The following SLIT3 variants were observed in gnomAD, a reference collection of about 807,000 sequenced individuals.
SLIT3 encodes slit guidance ligand 3.
A neutral mutation model predicts 184.0 loss-of-function variants in SLIT3; 68 were observed. That is an observed-to-expected ratio of 0.37 (90% CI 0.30 to 0.45). The LOEUF is 0.45. Ranked by LOEUF, SLIT3 falls within the 20% of genes least tolerant of loss-of-function variation. The pLI is 1.00. For synonymous variants in SLIT3, 831 were observed against 828.6 expected (o/e 1.00, Z -0.05); for missense variants, 1,707 against 2,026.0 (o/e 0.84, Z 3.02).
At chr5:168,860,103 T>C (rs1408393083) in intron 5 of SLIT3, among the ~76,000 whole-genome samples, 3 of 152,160 alleles carry the variant, frequency 2.0e-5, no homozygotes, top group African/African-American at 7.2e-5. Flanking sequence ...TGGTTGCAGC[T>C]ATAGAGTTGT....
At chr5:168,744,462 T>C (rs1336575237) in intron 20 of SLIT3, among the ~76,000 whole-genome samples, 1 of 152,174 alleles carries the variant, frequency 6.6e-6, no homozygotes, top group East Asian at 1.9e-4. Context: ...AATAGCCTTT[T>C]ATTAAAAGAA....
rs1299107433 is a variant in SLIT3 at position 169,081,101 on chromosome 5, A to G, written c.413+112378T>C. 2.0e-5 allele frequency among the ~76,000 whole-genome samples: 3 copies of G among 152,258 alleles called. No individual in the cohort carries two copies. In the East Asian group the frequency reaches 5.8e-4, roughly 29 times the overall value. On this transcript the variant is annotated intron_variant, in intron 4 of 35. Transcript: ENST00000519560. ...GCCTGGGGGAACAGGGAAGGACAGGAGCCAACTCTGCACAATCACGAAAGG... is the reference window on the plus strand; with the variant it reads ...GCCTGGGGGAACAGGGAAGGACAGGGGCCAACTCTGCACAATCACGAAAGG...
At chr5:169,256,372 T>A (rs1765959742) in intron 1 of SLIT3, among the ~76,000 whole-genome samples, 1 of 152,220 alleles carries the variant, frequency 6.6e-6, no homozygotes, top group South Asian at 2.1e-4. Flanking sequence ...CCTATAGTAT[T>A]CAGTGGAGTA....
chr5:168,869,409 G>C (rs1284471084), intron 5 of SLIT3, among the ~76,000 whole-genome samples: 2 of 152,146 alleles, frequency 1.3e-5, no homozygotes, highest in Non-Finnish European at 1.5e-5. Context: ...GTAATCACTA[G>C]GTTGTCACAA....
At chr5:168,738,867 G>A (rs1219967275) in intron 20 of SLIT3, among the ~76,000 whole-genome samples, 1 of 150,992 alleles carries the variant, frequency 6.6e-6, no homozygotes, top group Non-Finnish European at 1.5e-5. Flanking sequence ...GAACCCAGGA[G>A]GCGGGGCTTG....
Position 168,666,330 on chromosome 5 carries a change from C to G in SLIT3, c.*124G>C. The G allele has an allele frequency of 2.2e-6, 2 of 892,978 alleles. No homozygotes were observed. Among genetic ancestry groups the G allele is most frequent in the Non-Finnish European group, 3.2e-6 (2 of 628,404 alleles). 55.3% of individuals were successfully genotyped at this position (892,978 alleles called of 1,614,324 possible). A position where few individuals can be genotyped will look rare whatever the true frequency, so the allele number is the denominator to read the frequency against. ...TTTATTTTACAATATACTTAATATT[C>G]TCTTCTTCTTTACCTTCCTCTCCAG... On this transcript the variant is annotated 3_prime_UTR_variant, in exon 36 of 36. Transcript: ENST00000519560.
At chr5:168,712,004 GAAAT>G (rs1347780455) in intron 24 of SLIT3, among the ~76,000 whole-genome samples, 1 of 152,154 alleles carries the variant, frequency 6.6e-6, no homozygotes, top group Admixed American at 6.5e-5. Flanking sequence ...ACAGTTGTAA[GAAAT>G]AAATAGAAAA....
At chr5:168,692,354 TTCTC>T (rs961459981) in intron 29 of SLIT3, among the ~76,000 whole-genome samples, 15 of 152,060 alleles carry the variant, frequency 9.9e-5, no homozygotes, top group African/African-American at 2.9e-4. Flanking sequence ...GAGTGGATCT[TTCTC>T]TCTCTCTGTC....
chr5:168,702,964 T>C (rs921912861), intron 26 of SLIT3, among the ~76,000 whole-genome samples: 4 of 151,960 alleles, frequency 2.6e-5, no homozygotes, highest in Admixed American at 2.6e-4. Context: ...ACTATGGCGG[T>C]GGTGGTGGAG....
intron 4 of SLIT3, among the ~76,000 whole-genome samples, chr5:168,938,819 C>T (rs143983751): frequency 3.9e-3 from 594 of 152,076 alleles, no homozygotes; most frequent in Non-Finnish European, 7.1e-3. Flanking sequence ...TTAGTAGAGA[C>T]GGGGTTTCAC....
chr5:169,286,744 C>G (rs932796250), intron 1 of SLIT3, among the ~76,000 whole-genome samples: 4 of 152,208 alleles, frequency 2.6e-5, no homozygotes, highest in African/African-American at 7.2e-5. Context: ...ATTTTCCCCC[C>G]ACACAACTAC....
At chr5:168,851,294 G>A (rs1297694140) in intron 5 of SLIT3, among the ~76,000 whole-genome samples, 1 of 148,568 alleles carries the variant, frequency 6.7e-6, no homozygotes, top group South Asian at 2.1e-4. Flanking sequence ...CTGCACTCGA[G>A]CCTGGGCGAC....
intron 1 of SLIT3, among the ~76,000 whole-genome samples, chr5:169,255,135 T>C (rs1412361305): frequency 2.0e-5 from 3 of 152,224 alleles, no homozygotes; most frequent in Non-Finnish European, 2.9e-5. Context: ...CACATGCAGT[T>C]ATGTACAGTA....
intron 4 of SLIT3, among the ~76,000 whole-genome samples, chr5:169,097,619 G>A (rs993883046): frequency 1.6e-4 from 25 of 152,030 alleles, no homozygotes; most frequent in Admixed American, 9.2e-4. Context: ...TTTATTCTAC[G>A]AAGAGTAGTT....
chr5:168,863,575 GTTATGGAGGGT>G (rs1331820782), intron 5 of SLIT3, among the ~76,000 whole-genome samples: 2 of 152,196 alleles, frequency 1.3e-5, no homozygotes, highest in African/African-American at 4.8e-5. Context: ...ATGGTTTCCA[GTTATGGAGGGT>G]CAACCGTGGC....
At chr5:169,070,239 C>T (rs1305359463) in intron 4 of SLIT3, among the ~76,000 whole-genome samples, 1 of 152,140 alleles carries the variant, frequency 6.6e-6, no homozygotes, top group African/African-American at 2.4e-5. Context: ...CTTGAAGTAA[C>T]TGGATGTTTC....
intron 20 of SLIT3, among the ~76,000 whole-genome samples, chr5:168,731,438 C>A (rs1009336913): frequency 1.3e-5 from 2 of 151,966 alleles, no homozygotes; most frequent in Admixed American, 6.6e-5. Context: ...AAGTAATTCT[C>A]CCTTACTCAT....
At chr5:168,716,128 C>T (rs1762722294) in intron 23 of SLIT3, among the ~76,000 whole-genome samples, 1 of 152,188 alleles carries the variant, frequency 6.6e-6, no homozygotes. Flanking sequence ...CCAGCATGCC[C>T]AGCTAATTTT....
chr5:168,683,183 T>A lies in SLIT3; in HGVS notation c.3686+783A>T, dbSNP rs1264542358. 2.6e-5 allele frequency among the ~76,000 whole-genome samples: 4 copies of A among 151,858 alleles called. No individual in the cohort carries two copies. In the East Asian group the frequency reaches 7.7e-4, roughly 29 times the overall value. On this transcript the variant is annotated intron_variant, in intron 32 of 35. Transcript: ENST00000519560. ...GAGTTCGAGAGCAGCCTGGCCAACA[T>A]GGTGAAATCCCATCTCTACTAAAAA...
Sources: allele counts gnomAD v4.1 joint callset (sites outside exome capture counted in the v4.1 genomes callset), GRCh38; gene constraint gnomAD v4.1.1; transcripts MANE v1.5; gene names NCBI Gene and HGNC (gene_info 2026-07-23, HGNC 2026-07-21).